Variants in TENM1 observed in about 807,000 individuals in gnomAD.
TENM1 encodes the protein teneurin transmembrane protein 1.
TENM1 carries 35 observed loss-of-function variants against 174.8 expected under a neutral mutation model. That is an observed-to-expected ratio of 0.20 (90% CI 0.15 to 0.27). The LOEUF (loss-of-function observed/expected upper bound fraction) is 0.27, where lower values mean the gene tolerates loss of function less well. Among genes scored for constraint, TENM1 ranks in the 10% least tolerant of loss-of-function variants. The pLI is 1.00. For missense variants in TENM1, 1,633 were observed against 2,130.1 expected (o/e 0.77, Z 4.59); for synonymous variants, 781 against 798.7 (o/e 0.98, Z 0.37).
chrX:124,987,078 C>T, the TENM1 span, among the ~76,000 whole-genome samples: 1 of 111,619 alleles, frequency 9.0e-6, no homozygotes, highest in Non-Finnish European at 1.9e-5. Flanking sequence ...CTCTGGCGTG[C>T]TCGGAGTTTT....
intron 5 of TENM1, among the ~76,000 whole-genome samples, chrX:124,704,326 G>C (rs1434426577): frequency 8.9e-6 from 1 of 111,934 alleles, no homozygotes; most frequent in East Asian, 2.8e-4. Context: ...AACCACTCAA[G>C]AAAGTAAATT....
Position 124,451,320 on chromosome X carries a change from G to A in TENM1, c.4104+2017C>T, listed in dbSNP as rs182051120. Reference sequence around the variant, plus strand: ...AAAAACACAGATTTCCTAAATAACAGTAAAATAGATCTCAGAGGGGATGTT... The same window carrying A: ...AAAAACACAGATTTCCTAAATAACAATAAAATAGATCTCAGAGGGGATGTT... On this transcript the variant is annotated intron_variant, in intron 23 of 31. Transcript: ENST00000422452. 3.9e-3 allele frequency among the ~76,000 whole-genome samples: 432 copies of A among 110,633 alleles called. 3 individuals carry two copies. The highest frequency in any genetic ancestry group is 0.014 in the African/African-American group (414 of 30,471).
intron 19 of TENM1, among the ~76,000 whole-genome samples, chrX:124,502,290 GC>G (rs1039745630): frequency 7.2e-5 from 8 of 111,271 alleles, no homozygotes; most frequent in Middle Eastern, 4.6e-3. Flanking sequence ...AAATCAGGGG[GC>G]CCCCCCCAAA....
At chrX:124,599,886 G>T (rs1363466115) in intron 11 of TENM1, among the ~76,000 whole-genome samples, 1 of 110,275 alleles carries the variant, frequency 9.1e-6, no homozygotes. Flanking sequence ...ATATGAAAAA[G>T]GAGAAAACAA....
At position 124,907,653 on chromosome X, in the gene TENM1, C is replaced by G. The variant is rs2057771382; in HGVS notation, c.218-11412G>C. Among the ~76,000 whole-genome samples the G allele has an allele frequency of 3.6e-5, 4 of 111,814 alleles. No individual in the cohort carries two copies. In the South Asian group the frequency reaches 1.5e-3, roughly 42 times the overall value. On this transcript the variant is annotated intron_variant, in intron 1 of 31. Transcript: ENST00000422452. ...AATGAAGCCCTATTATTTAAAAAAC[C>G]CTCAGAATCTACTTCTCAACAATAA... is the stretch of plus-strand genomic sequence containing the variant.
intron 3 of TENM1, among the ~76,000 whole-genome samples, chrX:124,769,568 T>G (rs2054609405): frequency 1.8e-5 from 2 of 112,094 alleles, no homozygotes; most frequent in Non-Finnish European, 3.8e-5. Context: ...ACATATTTAA[T>G]AAAGACTCAG....
intron 4 of TENM1, among the ~76,000 whole-genome samples, chrX:124,710,310 T>C (rs1207781131): frequency 6.3e-5 from 7 of 111,887 alleles, no homozygotes; most frequent in Admixed American, 9.6e-5. Flanking sequence ...GATATGGTCC[T>C]ATGGGACAAA....
chrX:124,544,111 T>A (rs949217814), intron 15 of TENM1, among the ~76,000 whole-genome samples: 8 of 112,781 alleles, frequency 7.1e-5, no homozygotes, highest in Admixed American at 1.9e-4. Flanking sequence ...TCTCTCTCAA[T>A]TATGCAGCAA....
chrX:124,628,274 T>C (rs1261279088), intron 11 of TENM1, among the ~76,000 whole-genome samples: 2 of 111,167 alleles, frequency 1.8e-5, no homozygotes, highest in Admixed American at 1.9e-4. Flanking sequence ...TCAGTTTAAT[T>C]TGGAATATAT....
chrX:125,094,664 T>C, the TENM1 span, among the ~76,000 whole-genome samples: 4 of 112,147 alleles, frequency 3.6e-5, no homozygotes, highest in Admixed American at 3.8e-4. Context: ...GGTGTTATGA[T>C]TGAGATATGT....
the TENM1 span, among the ~76,000 whole-genome samples, chrX:125,050,336 G>A: frequency 6.5e-5 from 7 of 107,051 alleles, no homozygotes; most frequent in Non-Finnish European, 9.6e-5. Flanking sequence ...AACAGGCTCC[G>A]GTGTGTGATG....
chrX:124,870,404 T>C (rs1011332132), intron 3 of TENM1, among the ~76,000 whole-genome samples: 2 of 111,396 alleles, frequency 1.8e-5, no homozygotes, highest in Admixed American at 9.6e-5. Context: ...GTAAATTATA[T>C]AGAGGTTCAT....
chrX:124,552,270 C>T (rs1341241623), intron 14 of TENM1, among the ~76,000 whole-genome samples: 2 of 111,851 alleles, frequency 1.8e-5, no homozygotes, highest in South Asian at 3.8e-4. Flanking sequence ...AAGCAATGAA[C>T]TAACTATAAA....
chrX:124,509,091 A>AC lies in TENM1; in HGVS notation c.3302-5389_3302-5388insG, dbSNP rs879576822. ...AAACAAATAACACACACACACACAC[A>AC]AACACACACACACACACACAAACAC... On this transcript the variant is annotated intron_variant, in intron 18 of 31. Transcript: ENST00000422452. 3.7e-4 allele frequency among the ~76,000 whole-genome samples: 41 copies of AC among 110,930 alleles called. No individual in the cohort carries two copies. In the South Asian group the frequency reaches 0.014, roughly 39 times the overall value.
chrX:124,757,964 T>G (rs1210662112), intron 3 of TENM1, among the ~76,000 whole-genome samples: 2 of 112,011 alleles, frequency 1.8e-5, no homozygotes, highest in African/African-American at 6.5e-5. Context: ...GGGAGTATAA[T>G]GAGTAGAAGT....
chrX:124,430,754 T>C (rs2060771468), intron 23 of TENM1, among the ~76,000 whole-genome samples: 1 of 112,104 alleles, frequency 8.9e-6, no homozygotes, highest in South Asian at 3.7e-4. Flanking sequence ...AGAATCTTTC[T>C]AAGCTATATG....
chrX:125,032,574 T>C, the TENM1 span, among the ~76,000 whole-genome samples: 1 of 111,369 alleles, frequency 9.0e-6, no homozygotes, highest in Admixed American at 9.6e-5. Context: ...AGGATCAAGT[T>C]CAGCTGTCTA....
intron 1 of TENM1, among the ~76,000 whole-genome samples, chrX:124,898,633 G>A (rs980575897): frequency 9.1e-6 from 1 of 110,447 alleles, no homozygotes; most frequent in Non-Finnish European, 1.9e-5. Flanking sequence ...ATAAATGTAG[G>A]TCCAATTTGT....
chrX:125,153,447 C>T, the TENM1 span, among the ~76,000 whole-genome samples: 1 of 112,229 alleles, frequency 8.9e-6, no homozygotes, highest in South Asian at 3.7e-4. Flanking sequence ...ATTTCTTTTT[C>T]TTTTCCTTTT....
Sources: allele counts gnomAD v4.1 joint callset (sites outside exome capture counted in the v4.1 genomes callset), GRCh38; gene constraint gnomAD v4.1.1; transcripts MANE v1.5; gene names NCBI Gene and HGNC (gene_info 2026-07-23, HGNC 2026-07-21).